Variants in TRAK1 observed in about 807,000 individuals in gnomAD.
TRAK1 encodes the protein trafficking kinesin-binding protein 1.
Under a neutral mutation model 92.1 loss-of-function variants are expected in TRAK1, and 33 were observed. The ratio of observed to expected loss-of-function variants is 0.36; its 90% CI spans 0.27 to 0.48. The LOEUF (loss-of-function observed/expected upper bound fraction) is 0.48. Ranked by LOEUF, TRAK1 falls within the 20% of genes least tolerant of loss-of-function variation. TRAK1 has a pLI of 0.99. For synonymous variants in TRAK1, 521 were observed against 517.3 expected (o/e 1.01, Z -0.10); for missense variants, 1,123 against 1,257.9 (o/e 0.89, Z 1.62).
chr3:42,220,235 T>C (rs1710208748), intron 15 of TRAK1, among the ~76,000 whole-genome samples: 1 of 152,110 alleles, frequency 6.6e-6, no homozygotes, highest in Admixed American at 6.6e-5. Flanking sequence ...ACTCCAAAAT[T>C]GAGCCATGTG....
chr3:42,023,459 G>T (rs1016641214), intron 1 of TRAK1, among the ~76,000 whole-genome samples: 1 of 152,146 alleles, frequency 6.6e-6, no homozygotes, highest in Non-Finnish European at 1.5e-5. Context: ...GTCCTAGGCC[G>T]TATGTGATCC....
Position 42,077,737 on chromosome 3 carries a change from TG to T in TRAK1, c.-518-9365del, listed in dbSNP as rs555927311. ...TGTGAATGGGACTGAGTTCTTAATT[TG>T]GCTTTCAACTTGGACATTATTGGCG... On this transcript the variant is annotated intron_variant, in intron 1 of 16. Coordinates refer to the TRAK1 transcript ENST00000487159. 2.5e-4 allele frequency among the ~76,000 whole-genome samples: 38 copies of T among 152,346 alleles called. No individual in the cohort carries two copies. The East Asian group carries it at 7.1e-3, about 29-fold the overall frequency.
At chr3:42,024,606 T>G (rs1701849480) in intron 1 of TRAK1, among the ~76,000 whole-genome samples, 1 of 152,238 alleles carries the variant, frequency 6.6e-6, no homozygotes, top group Middle Eastern at 3.2e-3. Context: ...TGTTTTTGTG[T>G]GTAACTGTTT....
At chr3:42,094,391 A>G (rs1214801746) in intron 1 of TRAK1, among the ~76,000 whole-genome samples, 1 of 152,168 alleles carries the variant, frequency 6.6e-6, no homozygotes, top group Non-Finnish European at 1.5e-5. Context: ...TTACTTTTAG[A>G]GTCAGAGTCT....
At chr3:42,175,507 A>T (rs1219915724) in intron 2 of TRAK1, among the ~76,000 whole-genome samples, 1 of 151,960 alleles carries the variant, frequency 6.6e-6, no homozygotes, top group Non-Finnish European at 1.5e-5. Flanking sequence ...GACAGGAGGG[A>T]TCTCATGAAA....
intron 2 of TRAK1, among the ~76,000 whole-genome samples, chr3:42,137,557 G>GT (rs1698106096): frequency 6.6e-6 from 1 of 152,202 alleles, no homozygotes; most frequent in Non-Finnish European, 1.5e-5. Context: ...AGAAAGATGG[G>GT]TTTTTTCCCT....
At chr3:42,087,164 C>T (rs1159739472), upstream of TRAK1, 1 of 152,684 alleles carries the variant, frequency 6.5e-6, no homozygotes, top group African/African-American at 2.4e-5. Flanking sequence ...TGCCCAACTG[C>T]CCCAGACTCT....
rs148443014 is a variant in TRAK1 at position 42,225,363 on chromosome 3, C to G, written c.*1626C>G. 6.6e-6 allele frequency: 1 copy of G among 152,204 alleles called. No individual in the cohort carries two copies. The highest frequency in any genetic ancestry group is 2.4e-5 in the African/African-American group (1 of 41,442). The allele number at this position is 152,204 out of a possible 1,614,324, so 9.4% of individuals were successfully genotyped here. On this transcript the variant is annotated 3_prime_UTR_variant, in exon 16 of 16. Coordinates refer to ENST00000327628, the MANE Select transcript of TRAK1 (RefSeq NM_001042646.3). ...CACCAAGGATACTTTGAGAAAGCCC[C>G]TAAGGAACAAGCCTCAGTCCCACGG... is the stretch of plus-strand genomic sequence containing the variant.
chr3:42,013,508 T>C (rs1311083601), upstream of TRAK1, among the ~76,000 whole-genome samples: 1 of 148,538 alleles, frequency 6.7e-6, no homozygotes, highest in South Asian at 2.1e-4. This position sits in a 1 kb window ranked among gnomAD's most constrained non-coding sequence, Gnocchi z 5.1. Context: ...TCCAGGCGAC[T>C]AGGACGTGGC....
chr3:42,068,696 G>A (rs193274472), intron 1 of TRAK1, among the ~76,000 whole-genome samples: 1 of 152,280 alleles, frequency 6.6e-6, no homozygotes, highest in East Asian at 1.9e-4. Flanking sequence ...TATTGAAATA[G>A]GGTCTCCATT....
chr3:42,116,768 A>G (rs1398984936), intron 1 of TRAK1, among the ~76,000 whole-genome samples: 1 of 152,166 alleles, frequency 6.6e-6, no homozygotes, highest in African/African-American at 2.4e-5. Flanking sequence ...CTGATGGCCA[A>G]GTGGAAAGTT....
chr3:42,051,943 T>A lies in TRAK1; in HGVS notation c.-518-35161T>A, dbSNP rs1458037730. Among the ~76,000 whole-genome samples, 4 of 152,344 alleles carry A rather than the reference T, an allele frequency of 2.6e-5. No individual in the cohort carries two copies. In the East Asian group the frequency reaches 7.7e-4, roughly 29 times the overall value. ...TAAACTTATTCCTCTTTGAGCCCTA[T>A]CTTCTCTACTACCCAGTGACGTGAC... On this transcript the variant is annotated intron_variant, in intron 1 of 16. Coordinates refer to the TRAK1 transcript ENST00000487159.
Position 42,091,679 on chromosome 3 carries a change from A to C in TRAK1, c.91+119A>C, listed in dbSNP as rs1323632737. The stretch of plus-strand genomic sequence containing the variant: ...CTCCGTGCTGCTTGGGAGGTTGTTC[A>C]TGGTCATGTGGTAGAGAAATTGCCA... On this transcript the variant is annotated intron_variant, in intron 1 of 15. Coordinates refer to ENST00000327628, the MANE Select transcript of TRAK1 (RefSeq NM_001042646.3). 8.4e-6 allele frequency: 8 copies of C among 948,846 alleles called. No individual in the cohort carries two copies. In the South Asian group the frequency reaches 1.2e-4, roughly 15 times the overall value. 58.8% of individuals were successfully genotyped at this position (948,846 alleles called of 1,614,324 possible).
intron 2 of TRAK1, among the ~76,000 whole-genome samples, chr3:42,173,634 G>A (rs1010792066): frequency 6.6e-6 from 1 of 152,136 alleles, no homozygotes; most frequent in Non-Finnish European, 1.5e-5. Flanking sequence ...TTGCTCTCGT[G>A]TCCTTTATGG....
intron 1 of TRAK1, among the ~76,000 whole-genome samples, chr3:42,103,479 G>A (rs533927619): frequency 9.2e-5 from 14 of 152,254 alleles, no homozygotes; most frequent in South Asian, 2.1e-4. Context: ...CTGGCCATGC[G>A]TTCTTAATAC....
intron 2 of TRAK1, among the ~76,000 whole-genome samples, chr3:42,143,409 C>T (rs1341350585): frequency 6.6e-6 from 1 of 151,112 alleles, no homozygotes; most frequent in Non-Finnish European, 1.5e-5. Flanking sequence ...GGGATCATTC[C>T]TGGTTTATAT....
chr3:42,189,065 G>T lies in TRAK1; in HGVS notation c.631G>T (p.Asp211Tyr), dbSNP rs371843104. The change falls in exon 6 of 16, where the codon GAT (aspartate) becomes TAT (tyrosine). Residue 211 changes from aspartate (D) to tyrosine (Y), a missense_variant. This residue lies in a region of TRAK1 where 686 missense variants were observed against 747.6 expected (regional missense o/e 0.92). Transcript: ENST00000327628. ...CTCAGTCCAGAATTACTTTCATTTG[G>T]ATTCTCTTCAAAAGAAGCTGAAAGA... ...SSSVQNYFHL[D>Y]SLQKKLKDLE... 1.2e-6 allele frequency: 2 copies of T among 1,614,190 alleles called. No homozygotes were observed. The highest frequency in any genetic ancestry group is 8.5e-7 in the Non-Finnish European group (1 of 1,180,030).
At chr3:42,092,711 G>GTGTTGTGTTGTGTTATGTTATGATA (rs1400587515) in intron 1 of TRAK1, among the ~76,000 whole-genome samples, 44 of 101,068 alleles carry the variant, frequency 4.4e-4, no homozygotes, top group African/African-American at 1.4e-3. Context: ...GTGTTGTGTT[G>GTGTTGTGTTGTGTTATGTTATGATA]TGTTATGTTA....
At chr3:42,159,273 C>T (rs889507597) in intron 2 of TRAK1, among the ~76,000 whole-genome samples, 4 of 152,044 alleles carry the variant, frequency 2.6e-5, no homozygotes, top group African/African-American at 4.8e-5. Flanking sequence ...GCAGCCTGTT[C>T]GGGAGGTTGG....
Sources: gnomAD v4.1 joint callset for allele counts (sites outside exome capture counted in the v4.1 genomes callset) on GRCh38, gnomAD v4.1.1 for gene constraint, gnomAD v4.1.1 regional missense constraint, Gnocchi (gnomAD v3.1) non-coding constraint, MANE v1.5 for transcripts, NCBI Gene and HGNC (gene_info 2026-07-23, HGNC 2026-07-21) for gene names.